Variants in BDNF observed in about 807,000 individuals in gnomAD.
BDNF encodes neurotrophic factor BDNF precursor form.
A neutral mutation model predicts 19.5 loss-of-function variants in BDNF; 1 was observed. The observed-to-expected ratio is 0.05, with a 90% CI of 0.02 to 0.24. The LOEUF (loss-of-function observed/expected upper bound fraction) is 0.24. BDNF is among the 10% of genes least tolerant of loss of function. BDNF has a pLI of 1.00. For missense variants in BDNF, 195 were observed against 317.6 expected, an observed-to-expected ratio of 0.61 and a Z score of 2.93; for synonymous variants, 100 against 121.6, an observed-to-expected ratio of 0.82 and a Z score of 1.17.
rs1852542027 is a variant in BDNF, at chr11:27,656,352, G to A, written c.*1469C>T. On this transcript the variant is annotated 3_prime_UTR_variant, in exon 2 of 2. Coordinates refer to ENST00000356660, the MANE Select transcript of BDNF (RefSeq NM_001709.5). ...TCCAGAGGTGGGATGGTGGGCATAA[G>A]TCGGCTTGAGTGTGGTCCTCCAGTC... is the stretch of plus-strand genomic sequence containing the variant. 1 of 182,968 alleles carries A rather than the reference G, an allele frequency of 5.5e-6. No individual in the cohort carries two copies. Among genetic ancestry groups the A allele is most frequent in the Admixed American group, 6.5e-5 (1 of 15,300 alleles). 11.3% of individuals were successfully genotyped at this position (182,968 alleles called of 1,614,324 possible).
At chr11:27,663,602 C>T (rs932569150) in intron 1 of BDNF, among the ~76,000 whole-genome samples, 3 of 152,142 alleles carry the variant, frequency 2.0e-5, no homozygotes, top group Non-Finnish European at 4.4e-5. Context: ...TTATTATCCC[C>T]ATTATATAGA....
chr11:27,694,880 C>T (rs1322145560), intron 1 of BDNF, among the ~76,000 whole-genome samples: 1 of 152,086 alleles, frequency 6.6e-6, no homozygotes, highest in Non-Finnish European at 1.5e-5. Flanking sequence ...AAAATCAGAA[C>T]CTTTATACTC....
At chr11:27,721,514 G>A in exon 1 of BDNF, 1 of 1,377,346 alleles carries the variant, frequency 7.3e-7, no homozygotes, top group Non-Finnish European at 1.0e-6. Flanking sequence ...CATGTGAGAA[G>A]TTCGGCTTTG....
chr11:27,707,268 A>T (rs1368394317), intron 1 of BDNF, among the ~76,000 whole-genome samples: 2 of 152,226 alleles, frequency 1.3e-5, no homozygotes. Flanking sequence ...AGTCTTCATA[A>T]ATTCATCAAG....
At position 27,656,688 on chromosome 11, in the gene BDNF, C is replaced by T; in HGVS notation, c.*1133G>A. ...GGTTGATACAGGGCTCTACCTTTTG[C>T]TTACAAGACATTGTTAAGCCTCACC... On this transcript the variant is annotated 3_prime_UTR_variant, in exon 2 of 2. Coordinates refer to ENST00000356660, the MANE Select transcript of BDNF (RefSeq NM_001709.5). 1.0e-6 allele frequency: 1 copy of T among 985,566 alleles called. No individual in the cohort carries two copies. Among genetic ancestry groups the T allele is most frequent in the Non-Finnish European group, 1.2e-6 (1 of 829,924 alleles). The allele number at this position is 985,566 out of a possible 1,614,324, so 61.1% of individuals were successfully genotyped here. A position where few individuals can be genotyped will look rare whatever the true frequency, so the allele number is the denominator to read the frequency against.
chr11:27,698,018 A>C (rs1590444098), intron 1 of BDNF: 1 of 152,204 alleles, frequency 6.6e-6, no homozygotes, highest in African/African-American at 2.4e-5. Context: ...TTTTAGTGTC[A>C]TAATACTTAC....
chr11:27,656,752 G>A lies in BDNF; in HGVS notation c.*1069C>T. 1 of 985,164 alleles carries A rather than the reference G, an allele frequency of 1.0e-6. No individual in the cohort carries two copies. Among genetic ancestry groups the A allele is most frequent in the Admixed American group, 6.1e-5 (1 of 16,272 alleles). The allele number at this position is 985,164 out of a possible 1,614,324, so 61.0% of individuals were successfully genotyped here. A position where few individuals can be genotyped will look rare whatever the true frequency, so the allele number is the denominator to read the frequency against. On this transcript the variant is annotated 3_prime_UTR_variant, in exon 2 of 2. Coordinates refer to ENST00000356660, the MANE Select transcript of BDNF (RefSeq NM_001709.5). Reference sequence around the variant, plus strand: ...AAGCTTAGCCATGATTTACCCAAATGTTCACTCCTCATAAAAAATAATCTT... The same window carrying A: ...AAGCTTAGCCATGATTTACCCAAATATTCACTCCTCATAAAAAATAATCTT...
intron 1 of BDNF, among the ~76,000 whole-genome samples, chr11:27,710,924 G>A (rs1860299234): frequency 1.3e-5 from 2 of 152,184 alleles, no homozygotes; most frequent in African/African-American, 4.8e-5. Flanking sequence ...TAAAGTGGAA[G>A]GAAGAACATG....
intron 1 of BDNF, chr11:27,660,350 TG>T (rs1853264647): frequency 1.9e-6 from 1 of 537,884 alleles, no homozygotes; most frequent in South Asian, 1.9e-5. Flanking sequence ...CTGCTTAGAT[TG>T]CACAATGTTC....
chr11:27,719,373 TAA>T (rs1275509305), intron 1 of BDNF: 1 of 777,298 alleles, frequency 1.3e-6, no homozygotes, highest in African/African-American at 1.9e-5. Flanking sequence ...CGCACGGAGC[TAA>T]AAGTGTTCTT....
At chr11:27,661,179 C>T (rs941957354) in intron 1 of BDNF, among the ~76,000 whole-genome samples, 1 of 152,140 alleles carries the variant, frequency 6.6e-6, no homozygotes, top group Non-Finnish European at 1.5e-5. Flanking sequence ...CAAAGTCCAA[C>T]CCCACATTGC....
intron 1 of BDNF, among the ~76,000 whole-genome samples, chr11:27,693,483 T>C (rs1858567554): frequency 6.6e-6 from 1 of 152,250 alleles, no homozygotes; most frequent in Admixed American, 6.5e-5. Flanking sequence ...CTGCAATATC[T>C]GCTGGCTTTA....
upstream of BDNF, among the ~76,000 whole-genome samples, chr11:27,702,614 C>T (rs538509978): frequency 6.6e-6 from 1 of 152,198 alleles, no homozygotes; most frequent in African/African-American, 2.4e-5. Flanking sequence ...TTTCCTGGAC[C>T]CTCTTGTGGT....
upstream of BDNF, among the ~76,000 whole-genome samples, chr11:27,703,246 T>C (rs1859982643): frequency 6.6e-6 from 1 of 152,124 alleles, no homozygotes; most frequent in Admixed American, 6.5e-5. Flanking sequence ...GCAGGCACAA[T>C]TTCTTTTAGT....
chr11:27,687,415 C>A (rs570476760), intron 1 of BDNF, among the ~76,000 whole-genome samples: 1 of 152,168 alleles, frequency 6.6e-6, no homozygotes, highest in Non-Finnish European at 1.5e-5. Flanking sequence ...TCTGTCAATT[C>A]ATCAAACTCA....
chr11:27,660,917 C>G (rs1590231175), intron 1 of BDNF, among the ~76,000 whole-genome samples: 1 of 152,284 alleles, frequency 6.6e-6, no homozygotes, highest in Non-Finnish European at 1.5e-5. Flanking sequence ...AGTAATGAGT[C>G]TTTGAATGAT....
chr11:27,659,197 A>G (rs11030101), intron 1 of BDNF: 1 of 997,538 alleles, frequency 1.0e-6, no homozygotes, highest in Non-Finnish European at 1.2e-6. Flanking sequence ...CAAAGAAGAA[A>G]GATAATTTCA....
At chr11:27,686,185 AAAG>A (rs1457362100) in intron 1 of BDNF, among the ~76,000 whole-genome samples, 2 of 152,070 alleles carry the variant, frequency 1.3e-5, no homozygotes, top group Non-Finnish European at 2.9e-5. Context: ...TTGTTGGTTT[AAAG>A]TCTGTTTTAT....
At chr11:27,687,127 T>C (rs1384683438) in intron 1 of BDNF, among the ~76,000 whole-genome samples, 1 of 152,166 alleles carries the variant, frequency 6.6e-6, no homozygotes, top group African/African-American at 2.4e-5. Flanking sequence ...TTTTCTCTAA[T>C]CTTGTCTTCA....
Sources: allele counts gnomAD v4.1 joint callset (sites outside exome capture counted in the v4.1 genomes callset), GRCh38; gene constraint gnomAD v4.1.1; transcripts MANE v1.5; gene names NCBI Gene and HGNC (gene_info 2026-07-23, HGNC 2026-07-21).